Variants in FHOD3 observed in about 807,000 individuals in gnomAD.
FHOD3 encodes FH1/FH2 domain-containing protein 3.
A neutral mutation model predicts 173.0 loss-of-function variants in FHOD3; 90 were observed. The observed-to-expected ratio is 0.52, with a 90% CI of 0.44 to 0.62. FHOD3 has a LOEUF of 0.62. Ranked by LOEUF, FHOD3 falls within the 20% of genes least tolerant of loss-of-function variation. FHOD3 has a pLI of 0.00. For synonymous variants in FHOD3, 828 were observed against 823.0 expected, an observed-to-expected ratio of 1.01 and a Z score of -0.10; for missense variants, 1,945 against 2,034.7, an observed-to-expected ratio of 0.96 and a Z score of 0.85.
chr18:36,478,310 G>C (rs1307523127), intron 3 of FHOD3, among the ~76,000 whole-genome samples: 2 of 151,910 alleles, frequency 1.3e-5, no homozygotes, highest in Non-Finnish European at 2.9e-5. Context: ...ACACAGTAGG[G>C]GTATATATTT....
chr18:36,621,066 A>T lies in FHOD3; in HGVS notation c.958-4445A>T, dbSNP rs529863471. Among the ~76,000 whole-genome samples, 130 of 152,324 alleles carry T rather than the reference A, an allele frequency of 8.5e-4. 7 individuals are homozygous for T. The South Asian group carries it at 0.026, about 31-fold the overall frequency. On this transcript the variant is annotated intron_variant, in intron 9 of 28. Transcript: ENST00000590592. The stretch of plus-strand genomic sequence containing the variant: ...AATTTAACTCCATTTCAGAAGGGTG[A>T]TTTGATCCATGTTTAATTAAATTCA...
chr18:36,653,484 C>A lies in FHOD3; in HGVS notation c.1721+68C>A, dbSNP rs1336220535. ...TTTATATTCTAATGTATGCATTTTTCTTTTCAAAGAATGCTAATATCTTCC... is the reference window on the plus strand; with the variant it reads ...TTTATATTCTAATGTATGCATTTTTATTTTCAAAGAATGCTAATATCTTCC... On this transcript the variant is annotated intron_variant, in intron 13 of 28. Coordinates refer to ENST00000590592, the MANE Select transcript of FHOD3 (RefSeq NM_001281740.3). 31 of 1,182,472 alleles carry A rather than the reference C, an allele frequency of 2.6e-5. No individual in the cohort carries two copies. The South Asian group carries it at 4.1e-4, about 16-fold the overall frequency. 73.2% of individuals were successfully genotyped at this position (1,182,472 alleles called of 1,614,324 possible).
At chr18:36,343,372 A>G (rs1353519035) in intron 1 of FHOD3, among the ~76,000 whole-genome samples, 1 of 152,240 alleles carries the variant, frequency 6.6e-6, no homozygotes. Flanking sequence ...GATGAAGCCC[A>G]TAAAACATTA....
intron 3 of FHOD3, among the ~76,000 whole-genome samples, chr18:36,429,643 G>A (rs2050428395): frequency 6.6e-6 from 1 of 152,186 alleles, no homozygotes. Flanking sequence ...GGAGATCAAG[G>A]TGAAAAGGAA....
rs185440401 is a variant in FHOD3, at chr18:36,552,469, C to G, written c.512-23982C>G. Among the ~76,000 whole-genome samples, 253 of 151,770 alleles carry G rather than the reference C, an allele frequency of 1.7e-3. 1 individual carries two copies. The highest frequency in any genetic ancestry group is 5.6e-3 in the African/African-American group (231 of 41,408). On this transcript the variant is annotated intron_variant, in intron 5 of 28. Transcript: ENST00000590592. ...AGGGACAATTTGACTTCCTCTTTTC[C>G]TAATTGAATACCCTTTATTTCTTTT...
intron 14 of FHOD3, among the ~76,000 whole-genome samples, chr18:36,658,817 T>G (rs149472676): frequency 3.5e-4 from 54 of 152,306 alleles, no homozygotes; most frequent in African/African-American, 1.2e-3. Flanking sequence ...TAGAGAAGAC[T>G]GGTTAGGATT....
rs142269638 is a variant in FHOD3 at position 36,549,085 on chromosome 18, G to C, written c.512-27366G>C. On this transcript the variant is annotated intron_variant, in intron 5 of 28. Coordinates refer to ENST00000590592, the MANE Select transcript of FHOD3 (RefSeq NM_001281740.3). The stretch of plus-strand genomic sequence containing the variant: ...TTCATCTACATTCTTTCCAACACTT[G>C]GTGTGGTTAGTCTGTTTAATTTTAG... Among the ~76,000 whole-genome samples, 25 of 152,272 alleles carry C rather than the reference G, an allele frequency of 1.6e-4. No homozygotes were observed. The East Asian group carries it at 2.5e-3, about 15-fold the overall frequency.
At chr18:36,417,846 G>A (rs1331223122) in intron 3 of FHOD3, among the ~76,000 whole-genome samples, 1 of 152,144 alleles carries the variant, frequency 6.6e-6, no homozygotes, top group African/African-American at 2.4e-5. Flanking sequence ...AGATTATAAT[G>A]TTGGCCTTAA....
In FHOD3 at chr18:36,747,047, G is replaced by T; in HGVS notation, c.4144G>T (p.Val1382Phe). 1 of 1,614,136 alleles carries T rather than the reference G, an allele frequency of 6.2e-7. No homozygotes were observed. Residue 1382 changes from valine (V) to phenylalanine (F), a missense_variant, in exon 24 of 29, where the codon GTT (valine) becomes TTT (phenylalanine). Transcript: ENST00000590592. Reference protein sequence around the residue: ...KAIAKHEMKPVLKQRMSEFLK... With the variant: ...KAIAKHEMKPFLKQRMSEFLK... ...AATTGCAAAACATGAAATGAAACCA[G>T]TTTTAAAACAACGGATGTCAGAGTT... is the stretch of plus-strand genomic sequence containing the variant.
At chr18:36,771,976 C>A (rs1425237220) in intron 28 of FHOD3, among the ~76,000 whole-genome samples, 1 of 152,218 alleles carries the variant, frequency 6.6e-6, no homozygotes, top group African/African-American at 2.4e-5. Context: ...CTACAGAGAT[C>A]CAAATTCTTA....
intron 3 of FHOD3, among the ~76,000 whole-genome samples, chr18:36,468,314 A>G (rs2053069660): frequency 6.6e-6 from 1 of 152,162 alleles, no homozygotes; most frequent in Non-Finnish European, 1.5e-5. Flanking sequence ...GCTGTTACGG[A>G]AAAATGTGGC....
At chr18:36,495,037 G>A (rs931148089) in intron 3 of FHOD3, among the ~76,000 whole-genome samples, 1 of 152,034 alleles carries the variant, frequency 6.6e-6, no homozygotes, top group African/African-American at 2.4e-5. Flanking sequence ...TGACCTCCTG[G>A]GTTCAAGCAG....
chr18:36,316,929 TG>T (rs1455251087), intron 1 of FHOD3, among the ~76,000 whole-genome samples: 6 of 150,216 alleles, frequency 4.0e-5, no homozygotes, highest in African/African-American at 1.5e-4. Context: ...TGTGTCCATG[TG>T]TACTCATTGT....
intron 3 of FHOD3, among the ~76,000 whole-genome samples, chr18:36,468,227 T>C (rs527868822): frequency 1.3e-5 from 2 of 152,284 alleles, no homozygotes; most frequent in African/African-American, 2.4e-5. Flanking sequence ...TCCACCTTAA[T>C]GACTCTGCAG....
intron 3 of FHOD3, among the ~76,000 whole-genome samples, chr18:36,416,313 G>C (rs562688867): frequency 6.6e-6 from 1 of 152,198 alleles, no homozygotes; most frequent in East Asian, 1.9e-4. Flanking sequence ...GATTACAGGC[G>C]TGAGCCACCA....
intron 18 of FHOD3, among the ~76,000 whole-genome samples, chr18:36,714,872 A>T (rs1179343211): frequency 6.6e-6 from 1 of 152,178 alleles, no homozygotes; most frequent in Non-Finnish European, 1.5e-5. Context: ...AGGTTAAGCC[A>T]TTGTTGCACC....
Position 36,769,554 on chromosome 18 carries a change from A to G in FHOD3, c.4786+128A>G, listed in dbSNP as rs984220040. 7 of 1,249,682 alleles carry G rather than the reference A, an allele frequency of 5.6e-6. No homozygotes were observed. The African/African-American group carries it at 1.1e-4, about 19-fold the overall frequency. The allele number at this position is 1,249,682 out of a possible 1,614,324, so 77.4% of individuals were successfully genotyped here. On this transcript the variant is annotated intron_variant, in intron 28 of 28. Transcript: ENST00000590592. ...AGTGGCTCCCAGAGTGCCTACTTGC[A>G]CTCATCCACAGAAAGTTTCAGGGTT...
chr18:36,356,567 G>A (rs776670949), intron 2 of FHOD3, among the ~76,000 whole-genome samples: 13 of 151,748 alleles, frequency 8.6e-5, no homozygotes, highest in African/African-American at 1.2e-4. Flanking sequence ...GCGTGATCTC[G>A]GCTCACTGCA....
At chr18:36,712,417 A>G (rs963032751) in intron 18 of FHOD3, among the ~76,000 whole-genome samples, 8 of 152,120 alleles carry the variant, frequency 5.3e-5, no homozygotes, top group Non-Finnish European at 7.3e-5. Flanking sequence ...GAAATAAAAG[A>G]TATTAAAAAG....
Sources: allele counts gnomAD v4.1 joint callset (sites outside exome capture counted in the v4.1 genomes callset), GRCh38; gene constraint gnomAD v4.1.1; transcripts MANE v1.5; gene names NCBI Gene and HGNC (gene_info 2026-07-23, HGNC 2026-07-21).